XKR4: variants seen among roughly 807,000 people sequenced by gnomAD.
The protein encoded by XKR4 is XK related 4.
Under a neutral mutation model 53.9 loss-of-function variants are expected in XKR4, and 12 were observed. The ratio of observed to expected loss-of-function variants is 0.22; its 90% confidence interval spans 0.14 to 0.36. The LOEUF (loss-of-function observed/expected upper bound fraction) is 0.36, where lower values mean the gene tolerates loss of function less well. Ranked by LOEUF, XKR4 falls within the 10% of genes least tolerant of loss-of-function variation. The pLI is 1.00. For synonymous variants in XKR4, 354 were observed against 362.4 expected (o/e 0.98, Z 0.26); for missense variants, 799 against 859.5 (o/e 0.93, Z 0.88).
intron 2 of XKR4, chr8:55,517,901 T>C (rs551966635): frequency 7.2e-5 from 11 of 152,298 alleles, no homozygotes; most frequent in African/African-American, 2.4e-4. Context: ...TTCATGATAG[T>C]AAATTTTTAA....
At chr8:55,309,383 T>G (rs1458988272) in intron 1 of XKR4, among the ~76,000 whole-genome samples, 1 of 152,134 alleles carries the variant, frequency 6.6e-6, no homozygotes, top group Non-Finnish European at 1.5e-5. Flanking sequence ...GAGGAAAGAT[T>G]TAGGGGTTGC....
In XKR4 at chr8:55,388,733, C is replaced by T. The variant is rs191948941; in HGVS notation, c.1006+30856C>T. ...TTTGAGAGGACACAACCATTCAGTC[C>T]TTAGCAATGGACTTCCTTAGCTACA... On this transcript the variant is annotated intron_variant, in intron 2 of 2. Transcript: ENST00000327381. 4.3e-4 allele frequency among the ~76,000 whole-genome samples: 65 copies of T among 152,298 alleles called. 2 individuals are homozygous for T. The East Asian group carries it at 8.5e-3, about 20-fold the overall frequency.
chr8:55,146,700 G>C (rs1816776388), intron 1 of XKR4, among the ~76,000 whole-genome samples: 1 of 152,200 alleles, frequency 6.6e-6, no homozygotes, highest in Non-Finnish European at 1.5e-5. Context: ...TTTTTGCTCT[G>C]CTGTCTGGGT....
chr8:55,115,966 C>T (rs768401374), intron 1 of XKR4, among the ~76,000 whole-genome samples: 21 of 152,120 alleles, frequency 1.4e-4, no homozygotes, highest in Admixed American at 1.3e-4. Context: ...CAGGCCTTCA[C>T]AACAGTGGTG....
At chr8:55,434,025 C>A (rs935845636) in intron 2 of XKR4, among the ~76,000 whole-genome samples, 4 of 152,068 alleles carry the variant, frequency 2.6e-5, no homozygotes, top group South Asian at 2.1e-4. Flanking sequence ...CAGAGCAAGA[C>A]CCTGTCTCAA....
intron 1 of XKR4, among the ~76,000 whole-genome samples, chr8:55,221,782 G>A (rs1339104374): frequency 6.6e-6 from 1 of 152,126 alleles, no homozygotes; most frequent in Admixed American, 6.5e-5. Context: ...TCTCCAGAGG[G>A]TCTCACCGGA....
At chr8:55,165,068 A>T (rs907713651) in intron 1 of XKR4, among the ~76,000 whole-genome samples, 2 of 152,184 alleles carry the variant, frequency 1.3e-5, no homozygotes, top group African/African-American at 4.8e-5. Flanking sequence ...AGGAAGTAGG[A>T]TGGGCAGGTC....
In XKR4 at chr8:55,531,456, A is replaced by G. The variant is rs560656763; in HGVS notation, c.*7229A>G. On this transcript the variant is annotated 3_prime_UTR_variant, in exon 3 of 3. Transcript: ENST00000327381. ...GTGTGGCATGTGAGCCTTACAATAT[A>G]CAATTAACATATGAAATAATGATGA... The G allele has an allele frequency of 2.2e-3, 339 of 152,340 alleles. 4 individuals are homozygous for G. Among genetic ancestry groups the G allele is most frequent in the African/African-American group, 7.5e-3 (310 of 41,572 alleles). 9.4% of individuals were successfully genotyped at this position (152,340 alleles called of 1,614,324 possible). A position where few individuals can be genotyped will look rare whatever the true frequency, so the allele number is the denominator to read the frequency against.
chr8:55,345,932 T>G lies in XKR4; in HGVS notation c.807-11746T>G, dbSNP rs1273598883. 3.3e-5 allele frequency among the ~76,000 whole-genome samples: 5 copies of G among 152,230 alleles called. No homozygotes were observed. In the East Asian group the frequency reaches 9.6e-4, roughly 29 times the overall value. On this transcript the variant is annotated intron_variant, in intron 1 of 2. Transcript: ENST00000327381. ...TCATTCACTTTTTTTTTGAGACAAA[T>G]ACTGCATCATTTCACTTATATCCAG... is the stretch of plus-strand genomic sequence containing the variant.
chr8:55,144,135 A>G (rs1161152283), intron 1 of XKR4, among the ~76,000 whole-genome samples: 1 of 152,178 alleles, frequency 6.6e-6, no homozygotes, highest in Non-Finnish European at 1.5e-5. Flanking sequence ...ATTAGTCTTT[A>G]TAAAACAACA....
chr8:55,338,737 C>T (rs1479967321), intron 1 of XKR4, among the ~76,000 whole-genome samples: 1 of 152,194 alleles, frequency 6.6e-6, no homozygotes, highest in Non-Finnish European at 1.5e-5. Flanking sequence ...AGGACACAAT[C>T]ATCAGCACTT....
chr8:55,263,344 C>T (rs1818555032), intron 1 of XKR4, among the ~76,000 whole-genome samples: 1 of 152,168 alleles, frequency 6.6e-6, no homozygotes, highest in Admixed American at 6.5e-5. Context: ...AATCTGTGCC[C>T]TGGTCATGGC....
intron 1 of XKR4, among the ~76,000 whole-genome samples, chr8:55,188,158 T>C (rs1817402889): frequency 6.6e-6 from 1 of 152,212 alleles, no homozygotes. Context: ...TAGAGGAGTA[T>C]ATAGTTGAGT....
rs539508616 is a variant in XKR4 at position 55,428,639 on chromosome 8, T to G, written c.1006+70762T>G. On this transcript the variant is annotated intron_variant, in intron 2 of 2. Transcript: ENST00000327381. ...TTTCTCAACTCCCCCGTGTGTCACA[T>G]GAGACTGCATGGGGAGCCTGAACTT... Among the ~76,000 whole-genome samples the G allele has an allele frequency of 1.2e-4, 18 of 152,290 alleles. 1 individual carries two copies. The South Asian group carries it at 3.7e-3, about 32-fold the overall frequency.
At chr8:55,108,058 G>A (rs142674222) in intron 1 of XKR4, among the ~76,000 whole-genome samples, 37 of 152,254 alleles carry the variant, frequency 2.4e-4, no homozygotes, top group East Asian at 5.8e-4. Context: ...AACAGGAAAC[G>A]CAAACTGCCT....
Position 55,473,840 on chromosome 8 carries a change from C to A in XKR4, c.1007-49441C>A, listed in dbSNP as rs923420640. On this transcript the variant is annotated intron_variant, in intron 2 of 2. Transcript: ENST00000327381. ...CTCCCTTCTTTCCTTCTTTTCTTTT[C>A]TTTTTCTTCCTTCCTGTCTCTCTCC... Among the ~76,000 whole-genome samples the A allele has an allele frequency of 1.3e-4, 20 of 151,242 alleles. 1 individual carries two copies. Among genetic ancestry groups the A allele is most frequent in the African/African-American group, 4.9e-4 (20 of 41,038 alleles).
At chr8:55,410,277 T>C (rs16921764) in intron 2 of XKR4, among the ~76,000 whole-genome samples, 12,832 of 152,074 alleles carry the variant, frequency 0.084, 1,116 homozygotes, top group African/African-American at 0.22. Flanking sequence ...CCTTCTCCAC[T>C]GATTTCCGGG....
chr8:55,498,223 C>T (rs2939675), intron 2 of XKR4, among the ~76,000 whole-genome samples: 61,314 of 152,186 alleles, frequency 0.4, 13,434 homozygotes, highest in African/African-American at 0.57. Context: ...GCAGCCGCTG[C>T]GCCCTAAGGC....
At chr8:55,328,838 T>C (rs976130045) in intron 1 of XKR4, among the ~76,000 whole-genome samples, 1 of 152,132 alleles carries the variant, frequency 6.6e-6, no homozygotes, top group Non-Finnish European at 1.5e-5. Flanking sequence ...TACTACCCCC[T>C]CCTCAGAGAA....
Sources: allele counts gnomAD v4.1 joint callset (sites outside exome capture counted in the v4.1 genomes callset), GRCh38; gene constraint gnomAD v4.1.1; transcripts MANE v1.5; gene names NCBI Gene and HGNC (gene_info 2026-07-23, HGNC 2026-07-21).